IL1RAPL2: variants seen among roughly 807,000 people sequenced by gnomAD.
IL1RAPL2 encodes interleukin 1 receptor accessory protein like 2, also known as X-linked interleukin-1 receptor accessory protein-like 2.
A neutral mutation model predicts 44.1 loss-of-function variants in IL1RAPL2; 3 were observed. That is an observed-to-expected ratio of 0.07 (90% CI 0.03 to 0.18). IL1RAPL2 has a LOEUF of 0.18. Among genes scored for constraint, IL1RAPL2 ranks in the 10% least tolerant of loss-of-function variants. IL1RAPL2 has a pLI of 1.00. For synonymous variants in IL1RAPL2, 181 were observed against 178.8 expected, an observed-to-expected ratio of 1.01 and a Z score of -0.10; for missense variants, 391 against 496.4, an observed-to-expected ratio of 0.79 and a Z score of 2.02.
intron 6 of IL1RAPL2, among the ~76,000 whole-genome samples, chrX:105,574,312 G>A (rs2037035410): frequency 1.8e-5 from 2 of 111,196 alleles, no homozygotes; most frequent in Non-Finnish European, 1.9e-5. Flanking sequence ...TGTTTCTTGA[G>A]GATAGGAAAG....
At chrX:105,354,492 G>C (rs1343320350) in intron 5 of IL1RAPL2, among the ~76,000 whole-genome samples, 1 of 80,350 alleles carries the variant, frequency 1.2e-5, no homozygotes, top group African/African-American at 5.4e-5. Context: ...TCACACACCA[G>C]TGCCTGTTGT....
intron 2 of IL1RAPL2, among the ~76,000 whole-genome samples, chrX:105,118,918 A>T (rs1026875920): frequency 4.5e-5 from 5 of 112,153 alleles, no homozygotes; most frequent in African/African-American, 1.3e-4. Flanking sequence ...GCAACTATGT[A>T]GGTCTAAACT....
intron 2 of IL1RAPL2, among the ~76,000 whole-genome samples, chrX:105,030,621 C>A (rs2031472742): frequency 9.0e-6 from 1 of 111,654 alleles, no homozygotes; most frequent in Admixed American, 9.5e-5. Flanking sequence ...GTTTTGGTAC[C>A]AGTACCATGC....
At position 104,566,914 on chromosome X, in the gene IL1RAPL2, C is replaced by A. The variant is rs1928044138; in HGVS notation, c.-157C>A. 8.9e-6 allele frequency: 1 copy of A among 112,791 alleles called. No individual in the cohort carries two copies. The highest frequency in any genetic ancestry group is 3.2e-5 in the African/African-American group (1 of 31,036). The allele number at this position is 112,791 out of a possible 1,213,427, so 9.3% of individuals were successfully genotyped here. A position where few individuals can be genotyped will look rare whatever the true frequency, so the allele number is the denominator to read the frequency against. ...GTTTGGGGAGACGCGGTCTTCCTCG[C>A]GCCCCCTTCAGCCACTCCGACTGCC... On this transcript the variant is annotated 5_prime_UTR_variant, in exon 1 of 11. Transcript: ENST00000372582.
chrX:105,434,686 T>G lies in IL1RAPL2; in HGVS notation c.698-49627T>G, dbSNP rs1319580492. ...TTGCCTGTTCGCTGTGATGATAGTT[T>G]CCTTTGCTCTGCAGAAGCTCTTTAG... is the stretch of plus-strand genomic sequence containing the variant. On this transcript the variant is annotated intron_variant, in intron 5 of 10. Transcript: ENST00000372582. Among the ~76,000 whole-genome samples, 12 of 112,355 alleles carry G rather than the reference T, an allele frequency of 1.1e-4. No homozygotes were observed. The Admixed American group carries it at 1.1e-3, about 11-fold the overall frequency.
chrX:105,133,182 T>A (rs2033044405), intron 2 of IL1RAPL2, among the ~76,000 whole-genome samples: 1 of 111,998 alleles, frequency 8.9e-6, no homozygotes, highest in South Asian at 3.6e-4. Context: ...TTATGAGAAA[T>A]ATTCTGTGTA....
intron 2 of IL1RAPL2, among the ~76,000 whole-genome samples, chrX:105,045,505 T>C (rs1388103422): frequency 8.9e-6 from 1 of 111,949 alleles, no homozygotes; most frequent in African/African-American, 3.2e-5. Context: ...AGCAGGGGAC[T>C]GCTCTTTGCA....
chrX:105,444,517 TA>T (rs1352450373), intron 5 of IL1RAPL2, among the ~76,000 whole-genome samples: 2 of 111,732 alleles, frequency 1.8e-5, no homozygotes, highest in African/African-American at 6.5e-5. Flanking sequence ...TTGATTTTTG[TA>T]TATGGTGAGA....
chrX:105,456,213 C>G lies in IL1RAPL2; in HGVS notation c.698-28100C>G, dbSNP rs781699094. The stretch of plus-strand genomic sequence containing the variant: ...TGAAGTGGTTTTTCAGGTCAAGAAG[C>G]CTTTGGGCTAAGGCTATGAGATTTT... On this transcript the variant is annotated intron_variant, in intron 5 of 10. Coordinates refer to ENST00000372582, the MANE Select transcript of IL1RAPL2 (RefSeq NM_017416.2). Among the ~76,000 whole-genome samples, 8 of 111,802 alleles carry G rather than the reference C, an allele frequency of 7.2e-5. No homozygotes were observed. The East Asian group carries it at 2.0e-3, about 28-fold the overall frequency.
chrX:105,237,011 G>A (rs1233405824), intron 4 of IL1RAPL2, among the ~76,000 whole-genome samples: 1 of 110,384 alleles, frequency 9.1e-6, no homozygotes, highest in Non-Finnish European at 1.9e-5. Context: ...CCACCGCACA[G>A]CAGGACCCAG....
chrX:104,699,122 C>A (rs1233959781), intron 2 of IL1RAPL2, among the ~76,000 whole-genome samples: 2 of 111,598 alleles, frequency 1.8e-5, no homozygotes, highest in African/African-American at 6.5e-5. Flanking sequence ...CGGTCCCCAA[C>A]CTTTTTTACC....
intron 6 of IL1RAPL2, among the ~76,000 whole-genome samples, chrX:105,507,595 A>T (rs2036440032): frequency 9.0e-6 from 1 of 111,623 alleles, no homozygotes; most frequent in South Asian, 3.7e-4. Context: ...TTTGAGAAGG[A>T]ATTATACTAC....
At chrX:104,759,451 G>C (rs1201454964) in intron 2 of IL1RAPL2, among the ~76,000 whole-genome samples, 1 of 111,469 alleles carries the variant, frequency 9.0e-6, no homozygotes, top group African/African-American at 3.3e-5. Context: ...GATAATACCT[G>C]CTTTTTCAGG....
chrX:105,212,169 C>G (rs2033812993), intron 3 of IL1RAPL2, among the ~76,000 whole-genome samples: 1 of 112,362 alleles, frequency 8.9e-6, no homozygotes, highest in South Asian at 3.7e-4. Flanking sequence ...TGGTCTCGCT[C>G]AGCAGGTCCC....
At chrX:105,503,404 T>C (rs1171337257) in intron 6 of IL1RAPL2, among the ~76,000 whole-genome samples, 1 of 111,927 alleles carries the variant, frequency 8.9e-6, no homozygotes, top group Admixed American at 9.5e-5. Context: ...CAATGTTTGA[T>C]TTATATTAAT....
At chrX:105,494,824 A>G (rs893104743) in intron 6 of IL1RAPL2, among the ~76,000 whole-genome samples, 1 of 110,973 alleles carries the variant, frequency 9.0e-6, no homozygotes, top group African/African-American at 3.3e-5. Context: ...CTGGTGAAGT[A>G]TTTTTTAACA....
chrX:105,473,845 TA>T (rs1331349543), intron 5 of IL1RAPL2, among the ~76,000 whole-genome samples: 2 of 111,999 alleles, frequency 1.8e-5, no homozygotes, highest in Non-Finnish European at 3.8e-5. Context: ...GTTATTTTCA[TA>T]AAAATACAAT....
At chrX:104,907,131 G>C (rs1924039263) in intron 2 of IL1RAPL2, among the ~76,000 whole-genome samples, 1 of 111,163 alleles carries the variant, frequency 9.0e-6, no homozygotes, top group Non-Finnish European at 1.9e-5. Flanking sequence ...TTGTATTTCT[G>C]TGGGATCAGT....
At chrX:105,036,982 ACT>A (rs2031641354) in intron 2 of IL1RAPL2, among the ~76,000 whole-genome samples, 1 of 111,715 alleles carries the variant, frequency 9.0e-6, no homozygotes, top group Non-Finnish European at 1.9e-5. Flanking sequence ...TGACAAGTTA[ACT>A]CCCCATATGC....
Sources: allele counts gnomAD v4.1 joint callset (sites outside exome capture counted in the v4.1 genomes callset), GRCh38; gene constraint gnomAD v4.1.1; transcripts MANE v1.5; gene names NCBI Gene and HGNC (gene_info 2026-07-23, HGNC 2026-07-21).